Variants in PCF11 observed in about 807,000 individuals in gnomAD.
PCF11 encodes the protein pre-mRNA cleavage complex 2 protein Pcf11.
Under a neutral mutation model 166.1 loss-of-function variants are expected in PCF11, and 19 were observed. That is an observed-to-expected ratio of 0.11 (90% confidence interval 0.08 to 0.17). The LOEUF is 0.17. Among genes scored for constraint, PCF11 ranks in the 10% least tolerant of loss-of-function variants. The pLI, the probability that PCF11 is intolerant of heterozygous loss-of-function variation, is 1.00. For synonymous variants in PCF11, 663 were observed against 644.1 expected (o/e 1.03, Z -0.44); for missense variants, 1,565 against 1,855.5 (o/e 0.84, Z 2.88).
exon 16 of PCF11, chr11:83,184,913 GT>G (rs1861226016): frequency 6.7e-7 from 1 of 1,491,738 alleles, no homozygotes; most frequent in African/African-American, 1.4e-5. Flanking sequence ...AGAAAGGTAT[GT>G]TTTTCTTTTT....
exon 8 of PCF11, chr11:83,169,473 G>A (rs541599850): frequency 2.9e-5 from 47 of 1,613,638 alleles, no homozygotes; most frequent in South Asian, 7.7e-5. Flanking sequence ...CAGGTCAGCC[G>A]TCACTCTTGC....
chr11:83,176,180 G>A (rs529510982), intron 9 of PCF11, among the ~76,000 whole-genome samples: 9 of 152,302 alleles, frequency 5.9e-5, no homozygotes, highest in African/African-American at 1.2e-4. Flanking sequence ...GTTGGAGATG[G>A]GGTGGTGCTG....
chr11:83,157,862 C>T (rs1860056171), intron 1 of PCF11: 4 of 565,252 alleles, frequency 7.1e-6, no homozygotes, highest in South Asian at 6.5e-5. Flanking sequence ...TTCCAACTCC[C>T]TTTTTAGGCC....
rs763909366 is a variant in PCF11 at position 83,169,669 on chromosome 11, C to A, written c.3334C>A (p.Gln1112Lys). 3.7e-6 allele frequency: 6 copies of A among 1,613,738 alleles called. No homozygotes were observed. The East Asian group carries it at 8.9e-5, about 24-fold the overall frequency. Residue 1112 changes from glutamine (Q) to lysine (K), a missense_variant, in exon 8 of 16, where the codon CAA becomes AAA. Physicochemically the swap from Gln to Lys is moderately conservative, Grantham distance 53. Around this residue, in one of 12 missense-constraint regions of PCF11, gnomAD observed 725 missense variants for 749.3 expected, o/e 0.97. Coordinates refer to ENST00000298281, the Ensembl canonical transcript of PCF11. ...AAGGTTTGATATTCCTCTTGGTCTT[C>A]AAGGCACAAGATTTGACAATCATCC...
chr11:83,165,918 T>C, exon 5 of PCF11: 1 of 1,608,338 alleles, frequency 6.2e-7, no homozygotes, highest in Non-Finnish European at 8.5e-7. Flanking sequence ...ACTAAATTCA[T>C]CCAAGCAAGA....
chr11:83,165,846 T>G (rs772080213), exon 5 of PCF11: 1 of 1,608,402 alleles, frequency 6.2e-7, no homozygotes, highest in Non-Finnish European at 8.5e-7. Flanking sequence ...CAGGAAAGAA[T>G]TTCTAATGAA....
intron 14 of PCF11, among the ~76,000 whole-genome samples, 175 bp downstream of exon 14, chr11:83,182,666 C>T (rs1861124058): frequency 6.6e-6 from 1 of 152,230 alleles, no homozygotes; most frequent in South Asian, 2.1e-4. Flanking sequence ...TTAGCAGTCA[C>T]CCGGTTCTGT....
chr11:83,157,310 G>T (rs1407791701), exon 1 of PCF11: 4 of 753,366 alleles, frequency 5.3e-6, no homozygotes, highest in African/African-American at 3.5e-5. Flanking sequence ...TCCCCCCTCC[G>T]CGGTCAGCAT....
rs778226307 is a variant in PCF11, at chr11:83,168,715, T to G, written c.2380T>G (p.Ser794Ala). 7 of 1,613,818 alleles carry G rather than the reference T, an allele frequency of 4.3e-6. No individual in the cohort carries two copies. In the Admixed American group the frequency reaches 1.2e-4, roughly 27 times the overall value. ...ACCAGCTTCTCTTCGGTTTGATGGG[T>G]CACCAGGACAAATGGGGGGAGGAGG... Residue 794 changes from serine (S) to alanine (A), a missense_variant, in exon 8 of 16, where the codon TCA becomes GCA. This residue lies in a region of PCF11 where 725 missense variants were observed against 749.3 expected (regional missense o/e 0.97). Coordinates refer to ENST00000298281, the Ensembl canonical transcript of PCF11.
Position 83,167,693 on chromosome 11 carries a change from G to A in PCF11, c.2092+188G>A. On this transcript the variant is annotated intron_variant, in intron 7 of 15. Coordinates refer to ENST00000298281, the Ensembl canonical transcript of PCF11. This position sits in a 1 kb window ranked among gnomAD's most constrained non-coding sequence, Gnocchi z 4.2. Reference sequence around the variant, plus strand: ...ATCCTGATATTTTTGACTACCCTTTGACTGATGCCTTGTTGTCTGGAATAG... The same window carrying A: ...ATCCTGATATTTTTGACTACCCTTTAACTGATGCCTTGTTGTCTGGAATAG... 5.9e-6 allele frequency: 9 copies of A among 1,512,716 alleles called. No individual in the cohort carries two copies. Among genetic ancestry groups the A allele is most frequent in the Non-Finnish European group, 7.1e-6 (8 of 1,132,778 alleles). 93.7% of individuals were successfully genotyped at this position (1,512,716 alleles called of 1,614,324 possible).
intron 10 of PCF11, among the ~76,000 whole-genome samples, 161 bp downstream of exon 10, chr11:83,177,365 A>G (rs1401556495): frequency 6.6e-6 from 1 of 152,224 alleles, no homozygotes; most frequent in Non-Finnish European, 1.5e-5. Context: ...AAATTCTTTT[A>G]GATTTCCTAA....
At chr11:83,184,871 A>T (rs776051661) in exon 16 of PCF11, 1 of 1,568,972 alleles carries the variant, frequency 6.4e-7, no homozygotes. Context: ...TAAAACAGAA[A>T]ATGACACAGT....
At chr11:83,182,972 A>G (rs887692040) in intron 14 of PCF11, 66 bp from the exon 15 acceptor site, 2 of 939,490 alleles carry the variant, frequency 2.1e-6, no homozygotes, top group Admixed American at 5.6e-5. Flanking sequence ...AAAGTTAAAA[A>G]GAAATATCAG....
intron 4 of PCF11, among the ~76,000 whole-genome samples, chr11:83,165,096 AT>A (rs1860399010): frequency 6.6e-6 from 1 of 152,220 alleles, no homozygotes; most frequent in Non-Finnish European, 1.5e-5. Flanking sequence ...GGCCAGGAAG[AT>A]TATATCTTTC....
chr11:83,185,013 C>A (rs139556298), exon 16 of PCF11: 7,936 of 616,618 alleles, frequency 0.013, 80 homozygotes, highest in Middle Eastern at 0.017. Context: ...TGAGGCAGGG[C>A]CTTCAGCTAT....
At position 83,167,965 on chromosome 11, in the gene PCF11, A is replaced by G; in HGVS notation, c.2092+460A>G. On this transcript the variant is annotated intron_variant, in intron 7 of 15. Transcript: ENST00000298281. The surrounding 1 kb of genome is among the most constrained non-coding windows in gnomAD (Gnocchi z 4.2). ...GCAGTGAAGGGAAAATGAACAAGCT[A>G]AGTGGGGATGGATTTTTGTGACTGT... 1 of 1,156,096 alleles carries G rather than the reference A, an allele frequency of 8.6e-7. No homozygotes were observed. Among genetic ancestry groups the G allele is most frequent in the Non-Finnish European group, 1.1e-6 (1 of 902,528 alleles). 71.6% of individuals were successfully genotyped at this position (1,156,096 alleles called of 1,614,324 possible). A position where few individuals can be genotyped will look rare whatever the true frequency, so the allele number is the denominator to read the frequency against.
At position 83,161,832 on chromosome 11, in the gene PCF11, G is replaced by T. The variant is rs1462417303; in HGVS notation, c.318+380G>T. ...GTGTTAGGATGTTGACTGTTCTCTT[G>T]GGGGGGTAAAAAGCATAATCCCTCA... On this transcript the variant is annotated intron_variant, in intron 2 of 15. Transcript: ENST00000298281. Among the ~76,000 whole-genome samples the T allele has an allele frequency of 3.3e-5, 5 of 152,000 alleles. No individual in the cohort carries two copies. The East Asian group carries it at 7.7e-4, about 23-fold the overall frequency.
chr11:83,170,497 G>C (rs1416129836), intron 8 of PCF11, among the ~76,000 whole-genome samples: 1 of 151,684 alleles, frequency 6.6e-6, no homozygotes, highest in Non-Finnish European at 1.5e-5. Context: ...CACCTTTCCA[G>C]TCACTTCAGT....
At chr11:83,157,294 C>G (rs1023492575) in exon 1 of PCF11, 2 of 688,554 alleles carry the variant, frequency 2.9e-6, no homozygotes, top group Non-Finnish European at 4.8e-6. Flanking sequence ...CCTGTGTCGT[C>G]CCCCATCCCC....
Sources: gnomAD v4.1 joint callset for allele counts (sites outside exome capture counted in the v4.1 genomes callset) on GRCh38, gnomAD v4.1.1 for gene constraint, gnomAD v4.1.1 regional missense constraint, Gnocchi (gnomAD v3.1) non-coding constraint, MANE v1.5 for transcripts, NCBI Gene and HGNC (gene_info 2026-07-23, HGNC 2026-07-21) for gene names.